SAMD12: variants seen among roughly 807,000 people sequenced by gnomAD.
SAMD12 encodes sterile alpha motif domain-containing protein 12.
Under a neutral mutation model 15.0 loss-of-function variants are expected in SAMD12, and 9 were observed. That is an observed-to-expected ratio of 0.60 (90% CI 0.36 to 1.05). The LOEUF is 1.05. Among genes scored for constraint, SAMD12 ranks in the 50% least tolerant of loss-of-function variants. The probability of loss-of-function intolerance (pLI) is 0.01; values close to 1 mark genes in which losing one functional copy is unlikely to be tolerated. For synonymous variants in SAMD12, 86 were observed against 90.1 expected, an observed-to-expected ratio of 0.96 and a Z score of 0.25; for missense variants, 230 against 234.2, an observed-to-expected ratio of 0.98 and a Z score of 0.12.
At chr8:118,609,259 T>C (rs1331673555) in intron 1 of SAMD12, among the ~76,000 whole-genome samples, 1 of 152,188 alleles carries the variant, frequency 6.6e-6, no homozygotes, top group African/African-American at 2.4e-5. Flanking sequence ...CACCATGCAG[T>C]TCAAACACAA....
rs753396720 is a variant in SAMD12 at position 118,455,277 on chromosome 8, C to CTCTCTCTG, written c.193-15317_193-15316insCAGAGAGA. ...TCTCCTGGCTTTCACACCTCTCTCT[C>CTCTCTCTG]TCTCTCTCTCTCTCTACTGTTTACT... On this transcript the variant is annotated intron_variant, in intron 2 of 3. Coordinates refer to ENST00000314727, the MANE Select transcript of SAMD12 (RefSeq NM_207506.3). Among the ~76,000 whole-genome samples the CTCTCTCTG allele has an allele frequency of 8.0e-3, 1,204 of 150,308 alleles. 14 individuals are homozygous for CTCTCTCTG. Among genetic ancestry groups the CTCTCTCTG allele is most frequent in the Non-Finnish European group, 0.013 (905 of 67,920 alleles).
At chr8:118,334,971 G>A (rs895183420) in intron 4 of SAMD12, among the ~76,000 whole-genome samples, 10 of 152,080 alleles carry the variant, frequency 6.6e-5, no homozygotes, top group African/African-American at 2.4e-4. Flanking sequence ...TTTTCTCAGC[G>A]AGTCCCACTT....
chr8:118,563,804 A>G (rs2131217193), intron 2 of SAMD12, among the ~76,000 whole-genome samples: 1 of 152,278 alleles, frequency 6.6e-6, no homozygotes, highest in African/African-American at 2.4e-5. Flanking sequence ...TTCAACAGTA[A>G]CCATTTCTTT....
At chr8:118,416,993 A>G (rs1821729681) in intron 3 of SAMD12, among the ~76,000 whole-genome samples, 1 of 152,226 alleles carries the variant, frequency 6.6e-6, no homozygotes, top group Non-Finnish European at 1.5e-5. Context: ...TAATTTTTAT[A>G]AATGGAGCTA....
intron 4 of SAMD12, among the ~76,000 whole-genome samples, chr8:118,287,420 C>T (rs900234892): frequency 1.3e-5 from 2 of 152,088 alleles, no homozygotes; most frequent in Non-Finnish European, 2.9e-5. Flanking sequence ...CCACCGCGCC[C>T]GGCCAGGAAG....
intron 4 of SAMD12, among the ~76,000 whole-genome samples, chr8:118,318,364 A>C (rs936025445): frequency 2.9e-5 from 4 of 138,532 alleles, no homozygotes; most frequent in African/African-American, 7.9e-5. Flanking sequence ...ATACATATAT[A>C]CCATGGAACA....
intron 4 of SAMD12, among the ~76,000 whole-genome samples, chr8:118,223,760 T>C (rs945763917): frequency 1.3e-5 from 2 of 152,236 alleles, no homozygotes; most frequent in African/African-American, 4.8e-5. Flanking sequence ...CAGTTATTCA[T>C]TTTATAGCAT....
In SAMD12 at chr8:118,499,658, G is replaced by T. The variant is rs544592459; in HGVS notation, c.193-59697C>A. Among the ~76,000 whole-genome samples the T allele has an allele frequency of 3.3e-5, 5 of 152,266 alleles. No homozygotes were observed. In the East Asian group the frequency reaches 9.6e-4, roughly 29 times the overall value. On this transcript the variant is annotated intron_variant, in intron 2 of 3. Transcript: ENST00000314727. ...GTTCAAGGAGAACACAGTCAGCCAG[G>T]GCTAGAGAAAAAATGTGGAAAACTG...
At chr8:118,351,877 A>G (rs1243396333) in intron 4 of SAMD12, among the ~76,000 whole-genome samples, 1 of 152,230 alleles carries the variant, frequency 6.6e-6, no homozygotes, top group Non-Finnish European at 1.5e-5. Context: ...TTGGTTTTCC[A>G]GTTCACAGTT....
chr8:118,380,268 G>C (rs1819604218), intron 3 of SAMD12, among the ~76,000 whole-genome samples: 1 of 152,198 alleles, frequency 6.6e-6, no homozygotes, highest in African/African-American at 2.4e-5. Context: ...CACTGGGCTG[G>C]AGGTTCCATC....
chr8:118,179,594 T>G, the SAMD12 span, among the ~76,000 whole-genome samples: 1 of 152,178 alleles, frequency 6.6e-6, no homozygotes, highest in Admixed American at 6.5e-5. Context: ...TTTGGAAAAC[T>G]TCCTTTTCTC....
chr8:118,138,215 C>G, the SAMD12 span, among the ~76,000 whole-genome samples: 1 of 145,274 alleles, frequency 6.9e-6, no homozygotes, highest in Non-Finnish European at 1.5e-5. Flanking sequence ...GTGAGTGACT[C>G]GAAGCGGGCT....
At chr8:118,176,653 T>C in the SAMD12 span, among the ~76,000 whole-genome samples, 1 of 152,136 alleles carries the variant, frequency 6.6e-6, no homozygotes, top group Non-Finnish European at 1.5e-5. Flanking sequence ...TGAAGTCTAT[T>C]TGAGGATGGG....
At chr8:118,449,534 G>A (rs1441686947) in intron 2 of SAMD12, among the ~76,000 whole-genome samples, 1 of 151,872 alleles carries the variant, frequency 6.6e-6, no homozygotes, top group African/African-American at 2.4e-5. Flanking sequence ...AAAATAGGCC[G>A]GGCGTGGTGG....
At chr8:118,460,258 G>A (rs1252438254) in intron 2 of SAMD12, among the ~76,000 whole-genome samples, 2 of 152,016 alleles carry the variant, frequency 1.3e-5, no homozygotes, top group African/African-American at 2.4e-5. Context: ...CTGTTTGATG[G>A]GTAAAGTATA....
intron 4 of SAMD12, among the ~76,000 whole-genome samples, chr8:118,295,498 A>G (rs144338615): frequency 2.4e-4 from 36 of 152,316 alleles, no homozygotes; most frequent in African/African-American, 8.4e-4. Context: ...AATTCTACAT[A>G]TGAAAGTATC....
intron 2 of SAMD12, among the ~76,000 whole-genome samples, chr8:118,537,996 T>C (rs1044985686): frequency 4.6e-5 from 7 of 152,234 alleles, no homozygotes; most frequent in African/African-American, 7.2e-5. Context: ...TTTTGGATCA[T>C]TGCAGCCACA....
chr8:118,262,984 C>T (rs1813115214), intron 4 of SAMD12, among the ~76,000 whole-genome samples: 1 of 151,982 alleles, frequency 6.6e-6, no homozygotes, highest in South Asian at 2.1e-4. Flanking sequence ...AATTTTAAAA[C>T]TTTTGCTTTA....
chr8:118,387,722 C>T (rs1253082609), intron 3 of SAMD12, among the ~76,000 whole-genome samples: 1 of 152,132 alleles, frequency 6.6e-6, no homozygotes, highest in East Asian at 1.9e-4. Flanking sequence ...TTTACACAAA[C>T]CTATATACTC....
Sources: allele counts gnomAD v4.1 joint callset (sites outside exome capture counted in the v4.1 genomes callset), GRCh38; gene constraint gnomAD v4.1.1; transcripts MANE v1.5; gene names NCBI Gene and HGNC (gene_info 2026-07-23, HGNC 2026-07-21).